ST6GAL2: variants seen among roughly 807,000 people sequenced by gnomAD.
ST6GAL2 encodes ST6 beta-galactoside alpha-2,6-sialyltransferase 2.
ST6GAL2 carries 24 observed loss-of-function variants against 37.5 expected under a neutral mutation model. The observed-to-expected ratio is 0.64, with a 90% CI of 0.46 to 0.90. The LOEUF is 0.90. Ranked by LOEUF, ST6GAL2 falls within the 40% of genes least tolerant of loss-of-function variation. The probability of loss-of-function intolerance (pLI) is 0.00; values close to 1 mark genes in which losing one functional copy is unlikely to be tolerated. For synonymous variants in ST6GAL2, 306 were observed against 295.1 expected (o/e 1.04, Z -0.38); for missense variants, 715 against 712.7 (o/e 1.00, Z -0.04).
At chr2:106,821,396 G>A (rs934723776) in intron 5 of ST6GAL2, among the ~76,000 whole-genome samples, 5 of 150,418 alleles carry the variant, frequency 3.3e-5, no homozygotes, top group African/African-American at 1.2e-4. Flanking sequence ...TATATTAATA[G>A]TATATAATAA....
chr2:106,863,647 G>A (rs1351672754), intron 1 of ST6GAL2, among the ~76,000 whole-genome samples: 4 of 152,088 alleles, frequency 2.6e-5, no homozygotes, highest in African/African-American at 4.8e-5. Flanking sequence ...CGGGTCCTCC[G>A]TTTGCTAAAG....
rs376167669 is a variant in ST6GAL2, at chr2:106,843,275, C to G, written c.703G>C (p.Gly235Arg). The G allele has an allele frequency of 5.0e-6, 8 of 1,608,468 alleles. No homozygotes were observed. The African/African-American group carries it at 6.7e-5, about 13-fold the overall frequency. ...MKDYLTANKH[G>R]VRFRGKREAG... ...TCCCGCTTCCCGCGGAAGCGCACCCCGTGCTTGTTGGCGGTCAGGTAATCC... is the reference window on the plus strand; with the variant it reads ...TCCCGCTTCCCGCGGAAGCGCACCCGGTGCTTGTTGGCGGTCAGGTAATCC... Residue 235 changes from glycine to arginine, a missense_variant, in exon 2 of 6, where the codon GGG becomes CGG. Physicochemically the swap from Gly to Arg is moderately radical, Grantham distance 125. Transcript: ENST00000409382.
intron 1 of ST6GAL2, among the ~76,000 whole-genome samples, chr2:106,845,601 G>C (rs540689217): frequency 6.6e-6 from 1 of 152,298 alleles, no homozygotes; most frequent in African/African-American, 2.4e-5. Flanking sequence ...CACTAAAAAA[G>C]ATAGGAACTG....
In ST6GAL2 at chr2:106,850,859, T is replaced by G. The variant is rs1048441041; in HGVS notation, c.-57-6825A>C. ...AAAGAAAGTCGTCGGTAATACTCAC[T>G]GCCATATCCCATCATTAGCTGGTGT... On this transcript the variant is annotated intron_variant, in intron 1 of 5. Coordinates refer to ENST00000409382, the MANE Select transcript of ST6GAL2 (RefSeq NM_001142351.2). Among the ~76,000 whole-genome samples, 3 of 152,332 alleles carry G rather than the reference T, an allele frequency of 2.0e-5. No individual in the cohort carries two copies. The East Asian group carries it at 5.8e-4, about 29-fold the overall frequency.
chr2:106,869,245 C>T (rs1678161884), intron 1 of ST6GAL2, among the ~76,000 whole-genome samples: 2 of 152,082 alleles, frequency 1.3e-5, no homozygotes, highest in Admixed American at 6.5e-5. Context: ...GGGAGGGGCA[C>T]CTTTCAAACA....
rs1027498895 is a variant in ST6GAL2, at chr2:106,802,564, C to G, written c.*4114G>C. The stretch of plus-strand genomic sequence containing the variant: ...AAGTGTGTAAATAATGCCCATGTGA[C>G]AGAAACATGCATAATAATCTCATAA... On this transcript the variant is annotated 3_prime_UTR_variant, in exon 6 of 6. Transcript: ENST00000409382. The G allele has an allele frequency of 6.6e-6, 1 of 152,018 alleles. No homozygotes were observed. The highest frequency in any genetic ancestry group is 2.1e-4 in the South Asian group (1 of 4,812). 9.4% of individuals were successfully genotyped at this position (152,018 alleles called of 1,614,324 possible).
chr2:106,879,057 C>T (rs1573327654), intron 1 of ST6GAL2, among the ~76,000 whole-genome samples: 1 of 152,158 alleles, frequency 6.6e-6, no homozygotes, highest in Non-Finnish European at 1.5e-5. Context: ...GCCAGGAGTC[C>T]TTCCATTACC....
intron 1 of ST6GAL2, among the ~76,000 whole-genome samples, chr2:106,878,928 AT>A (rs1678625220): frequency 6.6e-6 from 1 of 152,174 alleles, no homozygotes; most frequent in Non-Finnish European, 1.5e-5. Flanking sequence ...ATGGAGTAAA[AT>A]GAGTTTGTTT....
intron 1 of ST6GAL2, among the ~76,000 whole-genome samples, chr2:106,864,831 T>C (rs796703824): frequency 6.6e-6 from 1 of 152,208 alleles, no homozygotes; most frequent in African/African-American, 2.4e-5. Flanking sequence ...TAGTCTGCAA[T>C]AGCCACAGCT....
chr2:106,861,103 T>A (rs1430755214), intron 1 of ST6GAL2, among the ~76,000 whole-genome samples: 2 of 152,032 alleles, frequency 1.3e-5, no homozygotes, highest in Non-Finnish European at 2.9e-5. Context: ...GGCTAAATCA[T>A]CAGACTATGA....
Position 106,824,249 on chromosome 2 carries a change from C to T in ST6GAL2, c.1318+5817G>A, listed in dbSNP as rs546268661. On this transcript the variant is annotated intron_variant, in intron 5 of 5. Transcript: ENST00000409382. Reference sequence around the variant, plus strand: ...TCACAAGAAGTTTTAAGGACAAAAACTGAGTTCATTAGTAAAGCAAGTAAA... The same window carrying T: ...TCACAAGAAGTTTTAAGGACAAAAATTGAGTTCATTAGTAAAGCAAGTAAA... Among the ~76,000 whole-genome samples the T allele has an allele frequency of 7.4e-4, 112 of 152,322 alleles. 1 individual carries two copies. Among genetic ancestry groups the T allele is most frequent in the African/African-American group, 2.6e-3 (110 of 41,576 alleles).
intron 1 of ST6GAL2, among the ~76,000 whole-genome samples, chr2:106,858,926 A>G (rs1216464848): frequency 2.0e-5 from 3 of 152,036 alleles, no homozygotes; most frequent in African/African-American, 7.2e-5. Flanking sequence ...GGCCCCAAAA[A>G]AGGAAAAATC....
intron 1 of ST6GAL2, among the ~76,000 whole-genome samples, chr2:106,863,824 A>C (rs1186645964): frequency 6.6e-6 from 1 of 152,218 alleles, no homozygotes; most frequent in Non-Finnish European, 1.5e-5. Flanking sequence ...TATTATCATT[A>C]CATGCATGTT....
chr2:106,847,990 C>T (rs7568193), intron 1 of ST6GAL2, among the ~76,000 whole-genome samples: 131,982 of 152,072 alleles, frequency 0.87, 57,395 homozygotes, highest in East Asian at 0.98. Context: ...TCCCTGGATG[C>T]CGGGCAGCCC....
chr2:106,884,958 C>A (rs1032751381), intron 1 of ST6GAL2, among the ~76,000 whole-genome samples: 2 of 120,254 alleles, frequency 1.7e-5, no homozygotes, highest in Non-Finnish European at 1.8e-5. Flanking sequence ...CACATATATA[C>A]ATATGTGTAT....
At chr2:106,881,882 T>C (rs1678765423) in intron 1 of ST6GAL2, among the ~76,000 whole-genome samples, 2 of 152,256 alleles carry the variant, frequency 1.3e-5, no homozygotes, top group South Asian at 4.1e-4. Flanking sequence ...TTAGCCAATG[T>C]ATTTTTAAAT....
chr2:106,827,643 G>T (rs1168276396), intron 5 of ST6GAL2, among the ~76,000 whole-genome samples: 1 of 152,100 alleles, frequency 6.6e-6, no homozygotes, highest in African/African-American at 2.4e-5. Flanking sequence ...ACATAACAGT[G>T]CTGTCTACAT....
chr2:106,859,833 G>A (rs2104576410), intron 1 of ST6GAL2, among the ~76,000 whole-genome samples: 1 of 151,984 alleles, frequency 6.6e-6, no homozygotes, highest in Middle Eastern at 3.4e-3. Flanking sequence ...CTTTAACATG[G>A]CCAATTCCTG....
chr2:106,835,059 C>A (rs1335089113), intron 2 of ST6GAL2: 1 of 152,200 alleles, frequency 6.6e-6, no homozygotes, highest in Non-Finnish European at 1.5e-5. Context: ...AGCATTGGGA[C>A]TAGGGGATAT....
Sources: allele counts gnomAD v4.1 joint callset (sites outside exome capture counted in the v4.1 genomes callset), GRCh38; gene constraint gnomAD v4.1.1; transcripts MANE v1.5; gene names NCBI Gene and HGNC (gene_info 2026-07-23, HGNC 2026-07-21).